PHACTR1: variants seen among roughly 807,000 people sequenced by gnomAD.
PHACTR1 encodes RPEL repeat containing 1.
Under a neutral mutation model 69.2 loss-of-function variants are expected in PHACTR1, and 16 were observed. That is an observed-to-expected ratio of 0.23 (90% CI 0.16 to 0.35). The LOEUF is 0.35. PHACTR1 is among the 10% of genes least tolerant of loss of function. The pLI, the probability that PHACTR1 is intolerant of heterozygous loss-of-function variation, is 1.00. For missense variants in PHACTR1, 510 were observed against 734.7 expected (o/e 0.69, Z 3.54); for synonymous variants, 312 against 284.5 (o/e 1.10, Z -0.97).
intron 4 of PHACTR1, among the ~76,000 whole-genome samples, chr6:12,791,299 G>A (rs1275903485): frequency 1.3e-5 from 2 of 152,154 alleles, no homozygotes; most frequent in East Asian, 3.9e-4. Flanking sequence ...ATCTATAGTT[G>A]CTAAGGAGCC....
chr6:12,746,045 A>G (rs138235393), intron 3 of PHACTR1, among the ~76,000 whole-genome samples: 16 of 152,338 alleles, frequency 1.1e-4, no homozygotes, highest in African/African-American at 3.6e-4. Flanking sequence ...AGCCCTTAAA[A>G]TGAGTCCTTT....
intron 4 of PHACTR1, among the ~76,000 whole-genome samples, chr6:13,052,175 C>G (rs1806059594): frequency 6.6e-6 from 1 of 152,220 alleles, no homozygotes; most frequent in Admixed American, 6.5e-5. Flanking sequence ...TTCAGTCCTG[C>G]TGTGGGGAGC....
intron 4 of PHACTR1, among the ~76,000 whole-genome samples, chr6:12,812,418 A>G (rs966010397): frequency 2.0e-5 from 3 of 152,226 alleles, no homozygotes; most frequent in Non-Finnish European, 2.9e-5. Context: ...CATCACGTGG[A>G]GTCCTTGTAA....
At chr6:13,018,873 A>G (rs1480259473) in intron 4 of PHACTR1, among the ~76,000 whole-genome samples, 1 of 151,808 alleles carries the variant, frequency 6.6e-6, no homozygotes, top group African/African-American at 2.4e-5. Flanking sequence ...CTGTTTGTTT[A>G]TTTATTTATT....
intron 4 of PHACTR1, among the ~76,000 whole-genome samples, chr6:12,780,391 A>T (rs191119203): frequency 1.6e-4 from 25 of 152,256 alleles, no homozygotes; most frequent in Admixed American, 9.8e-4. Flanking sequence ...ACATACAGAA[A>T]CAAGTAATTA....
At position 12,749,624 on chromosome 6, in the gene PHACTR1, C is replaced by G; in HGVS notation, c.104-20C>G. 3 of 1,593,812 alleles carry G rather than the reference C, an allele frequency of 1.9e-6. No homozygotes were observed. The highest frequency in any genetic ancestry group is 2.6e-6 in the Non-Finnish European group (3 of 1,169,202). On this transcript the variant is annotated intron_variant, in intron 3 of 14. Transcript: ENST00000332995. The stretch of plus-strand genomic sequence containing the variant: ...CCTTCCGCCTCTCTCCCTCTCCCTC[C>G]GTCTCCTTCTCCCTCTCAGCTCGCC...
At chr6:12,813,050 C>A (rs994138603) in intron 4 of PHACTR1, among the ~76,000 whole-genome samples, 1 of 152,088 alleles carries the variant, frequency 6.6e-6, no homozygotes. Flanking sequence ...GAAGCTTTGT[C>A]AACTAGGAGA....
At chr6:12,803,123 T>C (rs535546285) in intron 4 of PHACTR1, among the ~76,000 whole-genome samples, 30 of 152,210 alleles carry the variant, frequency 2.0e-4, no homozygotes, top group Non-Finnish European at 3.5e-4. Context: ...CACTGTCTTA[T>C]CTGTGCACTG....
At chr6:13,208,617 C>T (rs1009226666) in intron 8 of PHACTR1, among the ~76,000 whole-genome samples, 13 of 150,742 alleles carry the variant, frequency 8.6e-5, no homozygotes, top group Admixed American at 2.6e-4. Flanking sequence ...TAGCAGCCAA[C>T]GTCATTGCTG....
intron 4 of PHACTR1, among the ~76,000 whole-genome samples, chr6:12,821,845 C>A (rs557056829): frequency 3.3e-5 from 5 of 152,300 alleles, no homozygotes; most frequent in South Asian, 2.1e-4. Context: ...AAAGGTCACA[C>A]AAACTGGTCC....
At position 13,052,975 on chromosome 6, in the gene PHACTR1, C is replaced by T. The variant is rs564336042; in HGVS notation, c.251-390C>T. ...CCTTCTTTTTTCTCAGTAGACAGTGCTGTAGTGATTGCGTCTGCCAAGTCT... is the reference window on the plus strand; with the variant it reads ...CCTTCTTTTTTCTCAGTAGACAGTGTTGTAGTGATTGCGTCTGCCAAGTCT... On this transcript the variant is annotated intron_variant, in intron 4 of 14. Transcript: ENST00000332995. 4.6e-5 allele frequency among the ~76,000 whole-genome samples: 7 copies of T among 152,286 alleles called. No individual in the cohort carries two copies. The South Asian group carries it at 1.4e-3, about 32-fold the overall frequency.
At chr6:13,099,164 T>C (rs1002524051) in intron 5 of PHACTR1, among the ~76,000 whole-genome samples, 3 of 152,216 alleles carry the variant, frequency 2.0e-5, no homozygotes, top group Non-Finnish European at 4.4e-5. Context: ...CCCTTCCATC[T>C]CTGTCTAAAT....
intron 4 of PHACTR1, among the ~76,000 whole-genome samples, chr6:13,003,963 A>ATATATATATATATATATATATATATATT (rs890144098): frequency 2.2e-5 from 2 of 90,250 alleles, no homozygotes; most frequent in Admixed American, 9.5e-5. Flanking sequence ...ATATATATAT[A>ATATATATATATATATATATATATATATT]TGTATATATA....
At chr6:12,863,342 G>T (rs1334233463) in intron 4 of PHACTR1, among the ~76,000 whole-genome samples, 1 of 152,218 alleles carries the variant, frequency 6.6e-6, no homozygotes, top group Non-Finnish European at 1.5e-5. Flanking sequence ...GATGGAGACT[G>T]AGTAAGCTCT....
intron 3 of PHACTR1, among the ~76,000 whole-genome samples, chr6:12,739,561 A>G (rs1401582740): frequency 1.3e-5 from 2 of 152,094 alleles, no homozygotes; most frequent in Non-Finnish European, 1.5e-5. Context: ...TATTTTTGAG[A>G]CAGGGTCTCA....
intron 4 of PHACTR1, among the ~76,000 whole-genome samples, chr6:12,875,896 CA>C (rs1240997984): frequency 1.3e-5 from 2 of 152,062 alleles, no homozygotes; most frequent in African/African-American, 2.4e-5. Context: ...AGAGGAGGAC[CA>C]GGGGCGCTGC....
chr6:12,761,860 C>T (rs961412354), intron 4 of PHACTR1, among the ~76,000 whole-genome samples: 1 of 152,206 alleles, frequency 6.6e-6, no homozygotes, highest in Non-Finnish European at 1.5e-5. Context: ...CCCTGTGGAT[C>T]TGCGGAAGTC....
intron 4 of PHACTR1, among the ~76,000 whole-genome samples, chr6:12,882,295 T>C (rs1161837672): frequency 2.6e-5 from 4 of 151,964 alleles, no homozygotes; most frequent in African/African-American, 4.8e-5. Flanking sequence ...TTGGAGATGA[T>C]TAAGAAATAG....
At chr6:12,792,237 G>A (rs1321964612) in intron 4 of PHACTR1, among the ~76,000 whole-genome samples, 3 of 151,882 alleles carry the variant, frequency 2.0e-5, no homozygotes, top group East Asian at 1.9e-4. Context: ...GGCCAAGGTG[G>A]GCAGATCACT....
Sources: gnomAD v4.1 joint callset for allele counts (sites outside exome capture counted in the v4.1 genomes callset) on GRCh38, gnomAD v4.1.1 for gene constraint, MANE v1.5 for transcripts, NCBI Gene and HGNC (gene_info 2026-07-23, HGNC 2026-07-21) for gene names.